Variants in CNNM2 observed in about 807,000 individuals in gnomAD.
CNNM2 encodes the protein cyclin and CBS domain divalent metal cation transport mediator 2, also known as metal transporter CNNM2.
In CNNM2, 12 loss-of-function variants were observed where a neutral mutation model predicts 66.9. The observed-to-expected ratio is 0.18, with a 90% CI of 0.11 to 0.29. The LOEUF (loss-of-function observed/expected upper bound fraction) is 0.29, where lower values mean the gene tolerates loss of function less well. Ranked by LOEUF, CNNM2 falls within the 10% of genes least tolerant of loss-of-function variation. CNNM2 has a pLI of 1.00. For missense variants in CNNM2, 705 were observed against 1,167.7 expected (o/e 0.60, Z 5.77); for synonymous variants, 557 against 501.8 (o/e 1.11, Z -1.47).
In CNNM2 at chr10:103,085,048, T is replaced by C. The variant is rs1287975764; in HGVS notation, c.*7868T>C. ...CAGTCCCAGGACAAAGGGATGGTTC[T>C]AGGGCCCTTTTCTCTGACTTTCTGC... On this transcript the variant is annotated 3_prime_UTR_variant, in exon 8 of 8. Transcript: ENST00000369878. The C allele has an allele frequency of 6.6e-6, 1 of 152,194 alleles. No individual in the cohort carries two copies. The highest frequency in any genetic ancestry group is 1.5e-5 in the Non-Finnish European group (1 of 68,048). 9.4% of individuals were successfully genotyped at this position (152,194 alleles called of 1,614,324 possible).
In CNNM2 at chr10:103,054,001, G is replaced by T. The variant is rs766787028; in HGVS notation, c.1766-328G>T. ...TCCAGGCTGCGCGCCCTGTTGCTGT[G>T]TGCTTCTGTGGGTCTTGTGAGAGGC... On this transcript the variant is annotated intron_variant, in intron 2 of 7. Coordinates refer to ENST00000369878, the MANE Select transcript of CNNM2 (RefSeq NM_017649.5). The surrounding 1 kb of genome is among the most constrained non-coding windows in gnomAD (Gnocchi z 5.2). 6.6e-6 allele frequency among the ~76,000 whole-genome samples: 1 copy of T among 152,164 alleles called. No individual in the cohort carries two copies. The highest frequency in any genetic ancestry group is 1.5e-5 in the Non-Finnish European group (1 of 68,028).
intron 1 of CNNM2, among the ~76,000 whole-genome samples, chr10:102,992,517 T>TC (rs1166177069): frequency 6.6e-6 from 1 of 151,890 alleles, no homozygotes; most frequent in African/African-American, 2.4e-5. Flanking sequence ...GAAGTGATCC[T>TC]CCCACCTCGG....
In CNNM2 at chr10:103,054,597, GTTTT is replaced by G. The variant is rs890148401; in HGVS notation, c.1903+136_1903+139del. On this transcript the variant is annotated intron_variant, in intron 3 of 7. Coordinates refer to ENST00000369878, the MANE Select transcript of CNNM2 (RefSeq NM_017649.5). This position sits in a 1 kb window ranked among gnomAD's most constrained non-coding sequence, Gnocchi z 5.2. ...ATAAGTAATGCCACTTTTGTGTTTTGTTTTTTTTGTTTTTTTGTTTTGTTTTGTT... is the reference window on the plus strand; with the variant it reads ...ATAAGTAATGCCACTTTTGTGTTTTGTTTTGTTTTTTTGTTTTGTTTTGTT... 93 of 746,458 alleles carry G rather than the reference GTTTT, an allele frequency of 1.2e-4. No homozygotes were observed. The highest frequency in any genetic ancestry group is 3.8e-4 in the Middle Eastern group (1 of 2,604). The allele number at this position is 746,458 out of a possible 1,614,324, so 46.2% of individuals were successfully genotyped here.
intron 1 of CNNM2, among the ~76,000 whole-genome samples, chr10:102,997,989 C>T (rs1407250338): frequency 6.6e-6 from 1 of 152,068 alleles, no homozygotes; most frequent in African/African-American, 2.4e-5. Flanking sequence ...ACTAGATACA[C>T]ACCATATTTA....
At chr10:102,976,207 C>A (rs1379600691) in intron 1 of CNNM2, among the ~76,000 whole-genome samples, 1 of 152,030 alleles carries the variant, frequency 6.6e-6, no homozygotes, top group Non-Finnish European at 1.5e-5. Flanking sequence ...TTTACAAAAT[C>A]TTTGGAGGGA....
chr10:103,015,701 A>G (rs2064431472), intron 1 of CNNM2, among the ~76,000 whole-genome samples: 1 of 152,110 alleles, frequency 6.6e-6, no homozygotes, highest in Non-Finnish European at 1.5e-5. Context: ...TAAAAATACA[A>G]GATTAGCCAG....
At chr10:103,022,059 C>T (rs1243771183) in intron 1 of CNNM2, among the ~76,000 whole-genome samples, 1 of 152,158 alleles carries the variant, frequency 6.6e-6, no homozygotes, top group African/African-American at 2.4e-5. Context: ...GTGAAAGCGT[C>T]ATAGGAATTT....
At chr10:103,005,651 C>CA (rs943216010) in intron 1 of CNNM2, among the ~76,000 whole-genome samples, 33 of 148,846 alleles carry the variant, frequency 2.2e-4, no homozygotes, top group Admixed American at 4.0e-4. Flanking sequence ...CTCCGTCTCT[C>CA]AAAAAAAAAA....
At chr10:102,974,095 T>G (rs1487198881) in intron 1 of CNNM2, among the ~76,000 whole-genome samples, 1 of 152,246 alleles carries the variant, frequency 6.6e-6, no homozygotes, top group Non-Finnish European at 1.5e-5. Context: ...TTCCTCTCCT[T>G]TTCCTATTTT....
At chr10:102,988,023 G>A (rs1330983595) in intron 1 of CNNM2, among the ~76,000 whole-genome samples, 4 of 152,178 alleles carry the variant, frequency 2.6e-5, no homozygotes. Context: ...AAAAGGCCGG[G>A]CATGGTGGCT....
intron 1 of CNNM2, among the ~76,000 whole-genome samples, chr10:102,923,793 T>TA (rs1287300069): frequency 6.6e-6 from 1 of 152,200 alleles, no homozygotes; most frequent in African/African-American, 2.4e-5. Flanking sequence ...AGTTTTGTAC[T>TA]AACAATGTGC....
In CNNM2 at chr10:103,080,855, C is replaced by T. The variant is rs1252492124; in HGVS notation, c.*3675C>T. On this transcript the variant is annotated 3_prime_UTR_variant, in exon 8 of 8. Coordinates refer to ENST00000369878, the MANE Select transcript of CNNM2 (RefSeq NM_017649.5). ...CCATGAACTTCTGCCCTCAAATTCT[C>T]TCTTTGGGTTGAGGAGCAGACCTGT... is the stretch of plus-strand genomic sequence containing the variant. 1 of 152,224 alleles carries T rather than the reference C, an allele frequency of 6.6e-6. No individual in the cohort carries two copies. Among genetic ancestry groups the T allele is most frequent in the African/African-American group, 2.4e-5 (1 of 41,448 alleles). 9.4% of individuals were successfully genotyped at this position (152,224 alleles called of 1,614,324 possible).
chr10:102,933,164 G>A (rs369395334), intron 1 of CNNM2, among the ~76,000 whole-genome samples: 2 of 152,066 alleles, frequency 1.3e-5, no homozygotes, highest in African/African-American at 4.8e-5. Flanking sequence ...GCCCATTTCT[G>A]CAAAAAAAGG....
At chr10:102,931,869 A>G (rs1846076874) in intron 1 of CNNM2, among the ~76,000 whole-genome samples, 1 of 151,354 alleles carries the variant, frequency 6.6e-6, no homozygotes. Flanking sequence ...AAAAAAAAGA[A>G]TGCCATCCTA....
chr10:103,038,550 T>G (rs1037405856), intron 1 of CNNM2, among the ~76,000 whole-genome samples: 3 of 152,140 alleles, frequency 2.0e-5, no homozygotes, highest in Admixed American at 2.0e-4. Context: ...AAATTCAGGG[T>G]CCTGTCCAGG....
chr10:103,060,749 C>T (rs192326774), intron 4 of CNNM2, among the ~76,000 whole-genome samples: 9 of 152,080 alleles, frequency 5.9e-5, no homozygotes, highest in African/African-American at 2.2e-4. Context: ...CTGGTAACAA[C>T]GAGTCTCTAA....
At chr10:103,071,712 T>A in intron 5 of CNNM2, 62 bp from the exon 6 acceptor site, 3 of 1,286,138 alleles carry the variant, frequency 2.3e-6, no homozygotes, top group Non-Finnish European at 3.4e-6. Flanking sequence ...TGTCCCTTGA[T>A]TACAGAGATC....
chr10:102,993,083 C>A (rs1007237370), intron 1 of CNNM2, among the ~76,000 whole-genome samples: 1 of 152,122 alleles, frequency 6.6e-6, no homozygotes, highest in South Asian at 2.1e-4. Flanking sequence ...TACTTGTTTT[C>A]GTAACTGGCT....
intron 6 of CNNM2, among the ~76,000 whole-genome samples, chr10:103,072,112 C>A (rs1319978644): frequency 6.6e-6 from 1 of 152,150 alleles, no homozygotes; most frequent in East Asian, 1.9e-4. Flanking sequence ...GGATTGTTAG[C>A]GCTCCCTGCC....
Sources: gnomAD v4.1 joint callset for allele counts (sites outside exome capture counted in the v4.1 genomes callset) on GRCh38, gnomAD v4.1.1 for gene constraint, Gnocchi (gnomAD v3.1) non-coding constraint, MANE v1.5 for transcripts, NCBI Gene and HGNC (gene_info 2026-07-23, HGNC 2026-07-21) for gene names.